The following ITFG1 variants were observed in gnomAD, a reference collection of about 807,000 sequenced individuals.
ITFG1 encodes the protein integrin alpha FG-GAP repeat containing 1, also known as T-cell immunomodulatory protein.
In ITFG1, 34 loss-of-function variants were observed where a neutral mutation model predicts 81.8. That is an observed-to-expected ratio of 0.42 (90% confidence interval 0.32 to 0.55). The LOEUF (loss-of-function observed/expected upper bound fraction) is 0.55, where lower values mean the gene tolerates loss of function less well. Ranked by LOEUF, ITFG1 falls within the 20% of genes least tolerant of loss-of-function variation. The pLI is 0.17. For missense variants in ITFG1, 672 were observed against 755.4 expected (o/e 0.89, Z 1.29); for synonymous variants, 285 against 270.6 (o/e 1.05, Z -0.52).
intron 5 of ITFG1, chr16:47,448,745 C>T (rs1024361876): frequency 6.6e-6 from 1 of 151,418 alleles, no homozygotes; most frequent in Non-Finnish European, 1.5e-5. Context: ...ACATCAGTTT[C>T]CAATGTCCTC....
At chr16:47,319,973 G>A (rs1466052682) in intron 8 of ITFG1, among the ~76,000 whole-genome samples, 1 of 152,126 alleles carries the variant, frequency 6.6e-6, no homozygotes, top group Admixed American at 6.5e-5. Flanking sequence ...CCAGGCTGGA[G>A]TGCAGTGGCG....
intron 11 of ITFG1, among the ~76,000 whole-genome samples, 174 bp from the exon 12 acceptor site, chr16:47,258,914 A>G (rs1966172613): frequency 6.6e-6 from 1 of 152,218 alleles, no homozygotes; most frequent in Non-Finnish European, 1.5e-5. Flanking sequence ...CCCAAGTTTC[A>G]ATAGTAAAAT....
At chr16:47,440,659 C>T (rs576903428) in intron 5 of ITFG1, among the ~76,000 whole-genome samples, 1 of 152,132 alleles carries the variant, frequency 6.6e-6, no homozygotes, top group South Asian at 2.1e-4. Context: ...ACACAACATA[C>T]CAGAATCTCT....
intron 6 of ITFG1, among the ~76,000 whole-genome samples, chr16:47,423,756 C>CA (rs1402424466): frequency 6.6e-6 from 1 of 152,178 alleles, no homozygotes; most frequent in African/African-American, 2.4e-5. Flanking sequence ...AACACTGGCC[C>CA]ACACTCTCTT....
intron 14 of ITFG1, among the ~76,000 whole-genome samples, chr16:47,199,787 C>T (rs914735937): frequency 2.6e-5 from 4 of 152,068 alleles, no homozygotes; most frequent in Admixed American, 1.3e-4. Context: ...TACAACTCAC[C>T]ATAATGTAGA....
intron 8 of ITFG1, among the ~76,000 whole-genome samples, chr16:47,352,540 T>C (rs921499952): frequency 1.3e-5 from 2 of 152,076 alleles, no homozygotes; most frequent in African/African-American, 4.8e-5. Flanking sequence ...ATGGCGATCA[T>C]TAAAAAGTCA....
chr16:47,435,173 T>C (rs1969149584), intron 5 of ITFG1, among the ~76,000 whole-genome samples: 1 of 152,140 alleles, frequency 6.6e-6, no homozygotes, highest in Non-Finnish European at 1.5e-5. Flanking sequence ...TGCACATGTA[T>C]CCCTGAACTT....
At chr16:47,313,410 T>C (rs906507371) in intron 9 of ITFG1, among the ~76,000 whole-genome samples, 4 of 152,238 alleles carry the variant, frequency 2.6e-5, no homozygotes, top group Admixed American at 6.5e-5. Context: ...GTTTCGAAAA[T>C]AGATACAACG....
intron 8 of ITFG1, among the ~76,000 whole-genome samples, chr16:47,330,435 T>G (rs558714786): frequency 1.3e-5 from 2 of 151,612 alleles, no homozygotes; most frequent in East Asian, 1.9e-4. Context: ...AAATAAAAAT[T>G]GACAAGTTGA....
chr16:47,347,542 C>A (rs925475439), intron 8 of ITFG1, among the ~76,000 whole-genome samples: 1 of 152,002 alleles, frequency 6.6e-6, no homozygotes, highest in African/African-American at 2.4e-5. Context: ...AACAAAGCAG[C>A]TGGGAAGCCC....
chr16:47,223,262 G>T (rs1965715452), intron 13 of ITFG1, among the ~76,000 whole-genome samples: 1 of 152,100 alleles, frequency 6.6e-6, no homozygotes, highest in South Asian at 2.1e-4. Flanking sequence ...AAGAGCTTCT[G>T]CACAGCAAAA....
At chr16:47,209,620 T>C (rs918876607) in intron 14 of ITFG1, among the ~76,000 whole-genome samples, 2 of 152,202 alleles carry the variant, frequency 1.3e-5, no homozygotes, top group Non-Finnish European at 2.9e-5. Flanking sequence ...AGTAAAATAC[T>C]GATTCTGAGA....
intron 8 of ITFG1, among the ~76,000 whole-genome samples, chr16:47,336,501 T>C (rs1248791029): frequency 6.6e-6 from 1 of 152,188 alleles, no homozygotes. Flanking sequence ...ATCTGGAAGA[T>C]GGACAGAAGG....
chr16:47,162,692 A>G, intron 14 of ITFG1, 28 bp from the exon 15 acceptor site: 4 of 1,561,362 alleles, frequency 2.6e-6, no homozygotes, highest in Non-Finnish European at 3.5e-6. Flanking sequence ...AAAAAAAATT[A>G]AAAACATCTC....
chr16:47,169,429 T>C (rs192389560), intron 14 of ITFG1, among the ~76,000 whole-genome samples: 2 of 152,298 alleles, frequency 1.3e-5, no homozygotes, highest in African/African-American at 4.8e-5. Context: ...AATATATTCC[T>C]AGGTGTTTTA....
At chr16:47,431,770 C>G (rs1022782557) in intron 5 of ITFG1, among the ~76,000 whole-genome samples, 1 of 152,170 alleles carries the variant, frequency 6.6e-6, no homozygotes, top group Non-Finnish European at 1.5e-5. Flanking sequence ...ATCTCTCATT[C>G]AGTTTCCATT....
chr16:47,183,084 G>A (rs547467060), intron 14 of ITFG1, among the ~76,000 whole-genome samples: 2 of 152,308 alleles, frequency 1.3e-5, no homozygotes, highest in East Asian at 1.9e-4. Context: ...CGGCGCACAA[G>A]AGATTATATC....
At chr16:47,257,538 C>T (rs936730763) in intron 12 of ITFG1, among the ~76,000 whole-genome samples, 1 of 152,140 alleles carries the variant, frequency 6.6e-6, no homozygotes, top group Non-Finnish European at 1.5e-5. Context: ...ACAGAAGTCA[C>T]GTTTCTCACT....
At chr16:47,406,457 C>A (rs1260372557) in intron 6 of ITFG1, among the ~76,000 whole-genome samples, 1 of 152,154 alleles carries the variant, frequency 6.6e-6, no homozygotes, top group Non-Finnish European at 1.5e-5. Flanking sequence ...GTTGTTAAAT[C>A]TTTAGCTGAA....
Sources: gnomAD v4.1 joint callset for allele counts (sites outside exome capture counted in the v4.1 genomes callset) on GRCh38, gnomAD v4.1.1 for gene constraint, MANE v1.5 for transcripts, NCBI Gene and HGNC (gene_info 2026-07-23, HGNC 2026-07-21) for gene names.